Variants in SLC15A1 observed in about 807,000 individuals in gnomAD.
SLC15A1 encodes Caco-2 oligopeptide transporter.
Under a neutral mutation model 92.9 loss-of-function variants are expected in SLC15A1, and 83 were observed. The ratio of observed to expected loss-of-function variants is 0.89; its 90% CI spans 0.75 to 1.07. The LOEUF is 1.07. Ranked by LOEUF, SLC15A1 falls within the 50% of genes least tolerant of loss-of-function variation. The pLI is 0.00. For missense variants in SLC15A1, 857 were observed against 880.1 expected (o/e 0.97, Z 0.33); for synonymous variants, 322 against 318.2 (o/e 1.01, Z -0.13).
rs56120058 is a variant in SLC15A1, at chr13:98,687,651, G to A, written c.1757C>T (p.Pro586Leu). The A allele has an allele frequency of 1.1e-5, 17 of 1,614,100 alleles. No homozygotes were observed. Among genetic ancestry groups the A allele is most frequent in the East Asian group, 8.9e-5 (4 of 44,878 alleles). Residue 586 changes from proline (P) to leucine (L), a missense_variant, in exon 21 of 23, where the codon CCG (proline) becomes CTG (leucine). By Grantham distance (98) the Pro-to-Leu change is moderately conservative (BLOSUM62 -3). Transcript: ENST00000376503. ...GCCACAGGTGAGAAGAAAATACTGC[G>A]GGATTTGCAGAGCCATGTTAACTGT... ...ANTVNMALQI[P>L]QYFLLTCGEV...
At chr13:98,686,923 A>G (rs2087933389) in intron 21 of SLC15A1, among the ~76,000 whole-genome samples, 1 of 150,266 alleles carries the variant, frequency 6.7e-6, no homozygotes. Flanking sequence ...AAAAGCAATA[A>G]TTCTTTTAAA....
At chr13:98,695,515 C>G (rs2088015013) in intron 18 of SLC15A1, among the ~76,000 whole-genome samples, 1 of 152,096 alleles carries the variant, frequency 6.6e-6, no homozygotes, top group African/African-American at 2.4e-5. Context: ...GCCTCAGCCT[C>G]CCGAGTAGTT....
intron 18 of SLC15A1, among the ~76,000 whole-genome samples, chr13:98,699,951 T>C (rs1815855315): frequency 6.6e-6 from 1 of 152,198 alleles, no homozygotes; most frequent in South Asian, 2.1e-4. Context: ...CGTTTTTAAT[T>C]GGGTTATATA....
At chr13:98,709,996 A>G in intron 11 of SLC15A1, 85 bp from the exon 12 acceptor site, 1 of 1,254,802 alleles carries the variant, frequency 8.0e-7, no homozygotes. Flanking sequence ...TTTCCAAATC[A>G]GGAATGAGGT....
intron 1 of SLC15A1, among the ~76,000 whole-genome samples, chr13:98,746,481 G>A: frequency 6.6e-6 from 1 of 152,184 alleles, no homozygotes; most frequent in Non-Finnish European, 1.5e-5. Flanking sequence ...CACCAGCAGT[G>A]TATAAGCATT....
rs762678587 is a variant in SLC15A1, at chr13:98,688,302, G to T, written c.1629C>A (p.Phe543Leu). Reference sequence around the variant, plus strand: ...TACCAAATTCAAGGTAGAAAGTATTGAAATTAGGTTGACATTGTGGCGGAA... The same window carrying T: ...TACCAAATTCAAGGTAGAAAGTATTTAAATTAGGTTGACATTGTGGCGGAA... ...TEIPPQCQPN[F>L]NTFYLEFGSA... The change falls in exon 20 of 23, where the codon TTC (phenylalanine) becomes TTA (leucine). Residue 543 changes from phenylalanine (F) to leucine (L), a missense_variant. By Grantham distance (22) the Phe-to-Leu change is conservative. Transcript: ENST00000376503. 6.2e-7 allele frequency: 1 copy of T among 1,614,014 alleles called. No individual in the cohort carries two copies. The highest frequency in any genetic ancestry group is 8.5e-7 in the Non-Finnish European group (1 of 1,179,970).
chr13:98,698,716 C>A (rs1206780250), intron 18 of SLC15A1, among the ~76,000 whole-genome samples: 1 of 152,162 alleles, frequency 6.6e-6, no homozygotes, highest in Non-Finnish European at 1.5e-5. Context: ...GGATTACAGG[C>A]ATGAGCCACC....
At chr13:98,719,372 TAG>T (rs1237914205) in intron 7 of SLC15A1, 52 bp from the exon 8 acceptor site, 5 of 1,293,206 alleles carry the variant, frequency 3.9e-6, no homozygotes, top group Non-Finnish European at 5.6e-6. Context: ...AATGAGCATA[TAG>T]TTCCCATTTG....
chr13:98,718,858 G>C (rs1258069316), intron 8 of SLC15A1, among the ~76,000 whole-genome samples: 1 of 152,242 alleles, frequency 6.6e-6, no homozygotes, highest in Non-Finnish European at 1.5e-5. Flanking sequence ...GCCTAGGCTG[G>C]ACTTGAACTC....
At chr13:98,742,719 G>A (rs538294416) in intron 1 of SLC15A1, among the ~76,000 whole-genome samples, 26 of 152,238 alleles carry the variant, frequency 1.7e-4, no homozygotes, top group Middle Eastern at 6.8e-3. Flanking sequence ...CCATACTCAC[G>A]TGGCGCTTGC....
chr13:98,702,962 T>G (rs2088080172), intron 17 of SLC15A1, among the ~76,000 whole-genome samples: 1 of 85,930 alleles, frequency 1.2e-5, no homozygotes, highest in African/African-American at 5.3e-5. Context: ...GGGGAGATCC[T>G]GTCTCAAAAA....
chr13:98,710,109 AG>A (rs989590564), intron 11 of SLC15A1, among the ~76,000 whole-genome samples, 198 bp from the exon 12 acceptor site: 5 of 152,234 alleles, frequency 3.3e-5, no homozygotes, highest in African/African-American at 1.2e-4. Flanking sequence ...CTAGCGTACG[AG>A]TGAACACAAT....
At position 98,684,891 on chromosome 13, in the gene SLC15A1, C is replaced by G. The variant is rs367590676; in HGVS notation, c.1960G>C (p.Ala654Pro). Residue 654 changes from alanine to proline, a missense_variant, in exon 23 of 23, where the codon GCG becomes CCG. Ala to Pro is a conservative substitution (Grantham distance 27, BLOSUM62 -1). Transcript: ENST00000376503. ...ATTACACAGACGACCAGAAGCAACG[C>G]GGCAAATAGAATGTACTCGGCCCAC... ...KQWAEYILFA[A>P]LLLVVCVIFA... 6.2e-7 allele frequency: 1 copy of G among 1,613,108 alleles called. No homozygotes were observed. The highest frequency in any genetic ancestry group is 8.5e-7 in the Non-Finnish European group (1 of 1,179,526).
chr13:98,731,020 G>A (rs2088346401), intron 1 of SLC15A1, among the ~76,000 whole-genome samples: 1 of 152,200 alleles, frequency 6.6e-6, no homozygotes, highest in Non-Finnish European at 1.5e-5. Context: ...CACTTCAAGT[G>A]ACAGTCACGG....
chr13:98,700,024 C>T (rs1241127386), intron 18 of SLC15A1, among the ~76,000 whole-genome samples: 2 of 152,150 alleles, frequency 1.3e-5, no homozygotes, highest in African/African-American at 4.8e-5. Context: ...CAAAAAGTTG[C>T]ACACTGTATA....
chr13:98,738,327 C>T (rs768177273), intron 1 of SLC15A1, among the ~76,000 whole-genome samples: 1 of 152,248 alleles, frequency 6.6e-6, no homozygotes, highest in Non-Finnish European at 1.5e-5. Context: ...ATTTGCATAA[C>T]TAAGAAGGAG....
intron 3 of SLC15A1, 22 bp downstream of exon 3, chr13:98,726,346 G>A (rs1219692183): frequency 1.9e-6 from 3 of 1,613,948 alleles, no homozygotes; most frequent in Non-Finnish European, 1.7e-6. Flanking sequence ...CCTGAAGGGT[G>A]AGAAACGGCC....
intron 1 of SLC15A1, among the ~76,000 whole-genome samples, chr13:98,729,242 T>C (rs2088328772): frequency 1.3e-5 from 2 of 152,058 alleles, no homozygotes; most frequent in South Asian, 4.1e-4. Context: ...CCCATAAATA[T>C]ATATAATTAT....
intron 18 of SLC15A1, among the ~76,000 whole-genome samples, chr13:98,697,041 G>C (rs1175433545): frequency 6.6e-6 from 1 of 151,976 alleles, no homozygotes; most frequent in African/African-American, 2.4e-5. Flanking sequence ...GGAGCTGTGA[G>C]AAAATTAATT....
Sources: gnomAD v4.1 joint callset for allele counts (sites outside exome capture counted in the v4.1 genomes callset) on GRCh38, gnomAD v4.1.1 for gene constraint, MANE v1.5 for transcripts, NCBI Gene and HGNC (gene_info 2026-07-23, HGNC 2026-07-21) for gene names.